Variants in NRG1 observed in about 807,000 individuals in gnomAD.
NRG1 encodes the protein neuregulin 1.
In NRG1, 18 loss-of-function variants were observed where a neutral mutation model predicts 63.8. That is an observed-to-expected ratio of 0.28 (90% confidence interval 0.19 to 0.42). NRG1 has a LOEUF of 0.42. Among genes scored for constraint, NRG1 ranks in the 10% least tolerant of loss-of-function variants. NRG1 has a pLI of 1.00. For synonymous variants in NRG1, 302 were observed against 301.3 expected (o/e 1.00, Z -0.02); for missense variants, 762 against 814.7 (o/e 0.94, Z 0.79).
At chr8:32,579,468 A>G (rs947492068) in intron 1 of NRG1, among the ~76,000 whole-genome samples, 4 of 152,098 alleles carry the variant, frequency 2.6e-5, no homozygotes, top group Non-Finnish European at 5.9e-5. Context: ...TCTGGGATTG[A>G]ACTTCATTTC....
chr8:31,909,753 T>C (rs1424785070), intron 1 of NRG1, among the ~76,000 whole-genome samples: 7 of 152,160 alleles, frequency 4.6e-5, no homozygotes, highest in African/African-American at 1.4e-4. Flanking sequence ...GGTGAAACTT[T>C]TCAAAAGAAT....
At chr8:31,794,747 A>G (rs1215799787) in intron 1 of NRG1, among the ~76,000 whole-genome samples, 1 of 152,106 alleles carries the variant, frequency 6.6e-6, no homozygotes, top group Non-Finnish European at 1.5e-5. Context: ...ATGATATAGT[A>G]GTCTACCTCA....
chr8:31,744,588 G>T (rs1030630534), intron 1 of NRG1, among the ~76,000 whole-genome samples: 1 of 151,870 alleles, frequency 6.6e-6, no homozygotes, highest in African/African-American at 2.4e-5. Context: ...CCAGAGGCTG[G>T]CTTATCATGA....
intron 1 of NRG1, among the ~76,000 whole-genome samples, chr8:31,906,195 A>T (rs570684464): frequency 6.6e-6 from 1 of 152,172 alleles, no homozygotes; most frequent in Non-Finnish European, 1.5e-5. Flanking sequence ...AGGATTATCC[A>T]CTTCCAAGCT....
intron 1 of NRG1, among the ~76,000 whole-genome samples, chr8:32,065,776 G>A (rs1411413595): frequency 1.3e-5 from 2 of 152,100 alleles, no homozygotes; most frequent in African/African-American, 4.8e-5. Context: ...CTTCCACAAT[G>A]GTTGAACTAG....
At chr8:32,670,589 C>T (rs2466088) in intron 5 of NRG1, among the ~76,000 whole-genome samples, 147,029 of 152,304 alleles carry the variant, frequency 0.97, 71,198 homozygotes, top group East Asian at 1. Flanking sequence ...TATTAGAAGA[C>T]GTCAATGTTA....
exon 12 of NRG1, chr8:32,764,418 A>T: frequency 6.6e-7 from 1 of 1,521,616 alleles, no homozygotes; most frequent in East Asian, 2.3e-5. Flanking sequence ...AAATAAACAC[A>T]TAGATTCACC....
chr8:31,837,799 C>G (rs12675470), intron 1 of NRG1, among the ~76,000 whole-genome samples: 20,555 of 152,044 alleles, frequency 0.14, 1,547 homozygotes, highest in Admixed American at 0.17. Flanking sequence ...CACATTGTTG[C>G]AAATGGCAGG....
exon 2 of NRG1, chr8:32,595,952 T>C: frequency 4.3e-6 from 7 of 1,613,844 alleles, no homozygotes; most frequent in Non-Finnish European, 5.9e-6. Flanking sequence ...AGAATGGGAA[T>C]GAATTGAATC....
chr8:31,661,076 C>T (rs1805945819), intron 1 of NRG1, among the ~76,000 whole-genome samples: 1 of 152,030 alleles, frequency 6.6e-6, no homozygotes, highest in Non-Finnish European at 1.5e-5. Flanking sequence ...TTAGTATTTC[C>T]CCAAACAGTT....
At chr8:32,351,672 C>T (rs1044767682) in intron 1 of NRG1, among the ~76,000 whole-genome samples, 2 of 152,168 alleles carry the variant, frequency 1.3e-5, no homozygotes, top group Non-Finnish European at 2.9e-5. Flanking sequence ...GGCCAGGAAA[C>T]CCATAACTCA....
chr8:31,800,472 C>T (rs1007468845), intron 1 of NRG1, among the ~76,000 whole-genome samples: 3 of 152,090 alleles, frequency 2.0e-5, no homozygotes, highest in Non-Finnish European at 2.9e-5. Context: ...ATGTTTCTAC[C>T]GCATTTATCT....
chr8:32,493,094 G>A (rs1009228907), intron 1 of NRG1, among the ~76,000 whole-genome samples: 4 of 152,140 alleles, frequency 2.6e-5, no homozygotes, highest in Admixed American at 1.3e-4. Flanking sequence ...CAACTTTACC[G>A]TGCTTACCCA....
In NRG1 at chr8:32,276,232, G is replaced by T. The variant is rs1383610803; in HGVS notation, c.38-319596G>T. 5.9e-5 allele frequency among the ~76,000 whole-genome samples: 9 copies of T among 152,048 alleles called. 1 individual carries two copies. Among genetic ancestry groups the T allele is most frequent in the Admixed American group, 5.9e-4 (9 of 15,252 alleles). On this transcript the variant is annotated intron_variant, in intron 1 of 10. Transcript: ENST00000519301. ...CCCTCCCTGCCTCTAATGACTACAG[G>T]TCTATCTCTGTTTCTCTGAGTTCAA... is the stretch of plus-strand genomic sequence containing the variant.
At chr8:32,154,823 G>A (rs73673556) in intron 1 of NRG1, among the ~76,000 whole-genome samples, 3,490 of 152,282 alleles carry the variant, frequency 0.023, 61 homozygotes, top group African/African-American at 0.041. Context: ...AGGAAGGGGA[G>A]GGGGATTATT....
chr8:32,352,929 A>T (rs1805811328), intron 1 of NRG1, among the ~76,000 whole-genome samples: 1 of 134,728 alleles, frequency 7.4e-6, no homozygotes, highest in Non-Finnish European at 1.6e-5. Flanking sequence ...AGAGAGAGAG[A>T]CTATATATAT....
intron 5 of NRG1, among the ~76,000 whole-genome samples, chr8:32,702,847 T>G (rs534150924): frequency 1.3e-5 from 2 of 152,154 alleles, no homozygotes; most frequent in Admixed American, 6.5e-5. Flanking sequence ...GTCAAGAAAA[T>G]GAGGTGAATG....
intron 5 of NRG1, among the ~76,000 whole-genome samples, chr8:32,716,551 T>G (rs999727657): frequency 2.0e-5 from 3 of 152,152 alleles, no homozygotes; most frequent in South Asian, 2.1e-4. Flanking sequence ...CCCATATATA[T>G]ATAGATAGAT....
chr8:32,331,227 G>A (rs545265099), intron 1 of NRG1, among the ~76,000 whole-genome samples: 16 of 152,120 alleles, frequency 1.1e-4, no homozygotes, highest in East Asian at 3.9e-4. Flanking sequence ...TGGACACAGC[G>A]GCTCACGCCT....
Sources: allele counts gnomAD v4.1 joint callset (sites outside exome capture counted in the v4.1 genomes callset), GRCh38; gene constraint gnomAD v4.1.1; transcripts MANE v1.5; gene names NCBI Gene and HGNC (gene_info 2026-07-23, HGNC 2026-07-21).